Variants in GYPB observed in about 807,000 individuals in gnomAD.
GYPB encodes glycophorin-B.
In GYPB, 13 loss-of-function variants were observed where a neutral mutation model predicts 15.3. The observed-to-expected ratio is 0.85, with a 90% CI of 0.55 to 1.35. The LOEUF (loss-of-function observed/expected upper bound fraction) is 1.35. Among genes scored for constraint, GYPB ranks in the 40% most tolerant of loss-of-function variants. GYPB has a pLI of 0.00. For missense variants in GYPB, 131 were observed against 108.3 expected (o/e 1.21, Z -0.93); for synonymous variants, 38 against 36.9 (o/e 1.03, Z -0.11).
chr4:144,002,619 T>C, intron 1 of GYPB: 1 of 1,287,222 alleles, frequency 7.8e-7, no homozygotes, highest in Non-Finnish European at 1.0e-6. Flanking sequence ...GGCACCCAAG[T>C]GCAGTGGAGT....
chr4:144,003,263 A>G (rs2149959957), intron 1 of GYPB, among the ~76,000 whole-genome samples: 1 of 151,500 alleles, frequency 6.6e-6, no homozygotes, highest in Middle Eastern at 3.4e-3. Context: ...TTATTTAGGG[A>G]AAATCACTGT....
chr4:144,018,416 A>G (rs539416537), intron 1 of GYPB, among the ~76,000 whole-genome samples: 1 of 151,058 alleles, frequency 6.6e-6, no homozygotes, highest in South Asian at 2.1e-4. Flanking sequence ...GATCCTTGAT[A>G]CTTGCGCTCA....
At chr4:143,999,564 T>C (rs2149956608) in intron 2 of GYPB, 115 bp from the exon 3 acceptor site, 1 of 632,614 alleles carries the variant, frequency 1.6e-6, no homozygotes, top group Non-Finnish European at 2.8e-6. Context: ...ATTTTGAGAG[T>C]TGTTGGTCAA....
chr4:143,997,948 TCTC>T (rs1361081092), intron 3 of GYPB, among the ~76,000 whole-genome samples: 1 of 150,994 alleles, frequency 6.6e-6, no homozygotes, highest in East Asian at 1.9e-4. Context: ...CAGTGGACGT[TCTC>T]CTCAGATATG....
intron 1 of GYPB, among the ~76,000 whole-genome samples, chr4:144,010,683 C>T (rs1728170228): frequency 6.6e-6 from 1 of 151,258 alleles, no homozygotes; most frequent in South Asian, 2.1e-4. Context: ...TACCTGGCTG[C>T]CAGATCAATA....
intron 1 of GYPB, among the ~76,000 whole-genome samples, chr4:144,010,604 C>T (rs909632575): frequency 6.6e-6 from 1 of 151,354 alleles, no homozygotes; most frequent in African/African-American, 2.5e-5. Context: ...TTGTAGTGCA[C>T]ATTAACTATG....
Position 144,010,962 on chromosome 4 carries a change from G to T in GYPB, c.37+8289C>A, listed in dbSNP as rs561821373. On this transcript the variant is annotated intron_variant, in intron 1 of 4. Transcript: ENST00000502664. ...TATATATCAAAAGAGCAGAAACAAG[G>T]AATCATATAATAAAATATGAAATAG... is the stretch of plus-strand genomic sequence containing the variant. Among the ~76,000 whole-genome samples the T allele has an allele frequency of 2.8e-4, 43 of 151,536 alleles. 1 individual carries two copies. The highest frequency in any genetic ancestry group is 1.0e-3 in the African/African-American group (42 of 40,872).
intron 1 of GYPB, among the ~76,000 whole-genome samples, chr4:144,017,337 CAA>C (rs201667502): frequency 1.0e-4 from 10 of 99,462 alleles, no homozygotes; most frequent in Non-Finnish European, 4.5e-5. Context: ...TTTTTCATAG[CAA>C]AAAAAAAAAA....
At chr4:144,007,803 A>C (rs906788312) in intron 1 of GYPB, among the ~76,000 whole-genome samples, 6 of 151,446 alleles carry the variant, frequency 4.0e-5, no homozygotes, top group Admixed American at 3.3e-4. Context: ...AGCTTTAAAA[A>C]AAGTTTTGCT....
chr4:144,008,207 A>G (rs996137161), intron 1 of GYPB, among the ~76,000 whole-genome samples: 23 of 151,546 alleles, frequency 1.5e-4, no homozygotes, highest in Non-Finnish European at 3.1e-4. Flanking sequence ...ATTCAGACCT[A>G]TGTAACTACA....
intron 1 of GYPB, among the ~76,000 whole-genome samples, chr4:144,016,515 C>A (rs1360033425): frequency 6.6e-6 from 1 of 150,640 alleles, no homozygotes; most frequent in African/African-American, 2.5e-5. Flanking sequence ...ACTATAAATA[C>A]CAATCGGGAA....
At chr4:144,010,079 T>C (rs1560712608) in intron 1 of GYPB, among the ~76,000 whole-genome samples, 2 of 151,302 alleles carry the variant, frequency 1.3e-5, no homozygotes, top group African/African-American at 2.5e-5. Context: ...ACATAGATTC[T>C]CTGAGAAAAT....
intron 1 of GYPB, among the ~76,000 whole-genome samples, chr4:144,009,935 TA>T (rs35138265): frequency 0.18 from 27,245 of 150,744 alleles, 3,028 homozygotes; most frequent in South Asian, 0.32. Context: ...TTTAAGCACT[TA>T]AAAAAGTAAA....
chr4:144,012,613 C>T (rs1460468560), intron 1 of GYPB: 23 of 151,482 alleles, frequency 1.5e-4, no homozygotes, highest in Middle Eastern at 3.4e-3. Flanking sequence ...TGATTTTGCC[C>T]CAAGAACAGA....
chr4:144,011,596 A>C (rs1728224616), intron 1 of GYPB, among the ~76,000 whole-genome samples: 1 of 151,244 alleles, frequency 6.6e-6, no homozygotes, highest in Non-Finnish European at 1.5e-5. Flanking sequence ...ATTGGCAAAA[A>C]TACAATACCA....
intron 1 of GYPB, among the ~76,000 whole-genome samples, chr4:144,011,128 C>T (rs1378450249): frequency 1.3e-5 from 2 of 150,014 alleles, no homozygotes; most frequent in African/African-American, 5.0e-5. Flanking sequence ...TGCCTGTAAT[C>T]CCAACATTTT....
chr4:144,015,270 C>A (rs1728431078), intron 1 of GYPB, among the ~76,000 whole-genome samples: 1 of 150,694 alleles, frequency 6.6e-6, no homozygotes, highest in South Asian at 2.1e-4. Flanking sequence ...AGAGATAAGC[C>A]CGGAATTTTT....
rs1727384944 is a variant in GYPB at position 143,997,539 on chromosome 4, C to T, written c.270+1G>A. The stretch of plus-strand genomic sequence containing the variant: ...AGCAAAATTAAAAACTGAATTCTCA[C>T]CTTTATCAGTCGGCGAATACTGTAA... On this transcript the variant is annotated splice_donor_variant, in intron 4 of 4. Coordinates refer to ENST00000502664, the MANE Select transcript of GYPB (RefSeq NM_002100.6). LOFTEE classifies it high-confidence loss of function. 1 of 1,547,048 alleles carries T rather than the reference C, an allele frequency of 6.5e-7. No homozygotes were observed. Among genetic ancestry groups the T allele is most frequent in the Non-Finnish European group, 8.9e-7 (1 of 1,121,988 alleles).
chr4:144,014,265 G>A (rs1440410389), intron 1 of GYPB, among the ~76,000 whole-genome samples: 1 of 151,748 alleles, frequency 6.6e-6, no homozygotes, highest in Non-Finnish European at 1.5e-5. Flanking sequence ...AGTATTAAAA[G>A]TGGGTTCAAA....
Sources: gnomAD v4.1 joint callset for allele counts (sites outside exome capture counted in the v4.1 genomes callset) on GRCh38, gnomAD v4.1.1 for gene constraint, MANE v1.5 for transcripts, NCBI Gene and HGNC (gene_info 2026-07-23, HGNC 2026-07-21) for gene names.